Variants in CNTNAP4 observed in about 807,000 individuals in gnomAD.
CNTNAP4 encodes contactin-associated protein-like 4.
Under a neutral mutation model 148.4 loss-of-function variants are expected in CNTNAP4, and 98 were observed. The ratio of observed to expected loss-of-function variants is 0.66; its 90% CI spans 0.56 to 0.78. The LOEUF is 0.78. Ranked by LOEUF, CNTNAP4 falls within the 30% of genes least tolerant of loss-of-function variation. The pLI, the probability that CNTNAP4 is intolerant of heterozygous loss-of-function variation, is 0.00. For synonymous variants in CNTNAP4, 730 were observed against 565.1 expected (o/e 1.29, Z -4.14); for missense variants, 1,935 against 1,565.6 (o/e 1.24, Z -3.98).
At chr16:76,428,093 A>G (rs1486084629) in intron 4 of CNTNAP4, among the ~76,000 whole-genome samples, 1 of 152,200 alleles carries the variant, frequency 6.6e-6, no homozygotes, top group Non-Finnish European at 1.5e-5. Context: ...ATAGAAAAAG[A>G]GAAGACTTCT....
At chr16:76,553,560 A>G in intron 22 of CNTNAP4, 59 bp downstream of exon 22, 16 of 1,273,430 alleles carry the variant, frequency 1.3e-5, no homozygotes, top group Non-Finnish European at 1.5e-5. Context: ...GGAATTTAGA[A>G]AACTTCTCAT....
intron 8 of CNTNAP4, among the ~76,000 whole-genome samples, chr16:76,458,579 G>A (rs1057507358): frequency 6.6e-6 from 1 of 151,870 alleles, no homozygotes; most frequent in African/African-American, 2.4e-5. Context: ...TAGATCCCTC[G>A]CATGTGCAGT....
chr16:76,466,181 T>A lies in CNTNAP4; in HGVS notation c.1484-1171T>A, dbSNP rs1243585032. 3.3e-5 allele frequency among the ~76,000 whole-genome samples: 5 copies of A among 152,324 alleles called. No homozygotes were observed. The East Asian group carries it at 5.8e-4, about 18-fold the overall frequency. ...CCCACAAATAAATGAGAACACATAA[T>A]GTTTGTCTTTCTGTGCCTGGCTTAT... On this transcript the variant is annotated intron_variant, in intron 9 of 23. Coordinates refer to ENST00000611870, the MANE Select transcript of CNTNAP4 (RefSeq NM_033401.5).
intron 3 of CNTNAP4, among the ~76,000 whole-genome samples, chr16:76,409,675 C>G (rs2078723511): frequency 6.6e-6 from 1 of 151,918 alleles, no homozygotes; most frequent in Non-Finnish European, 1.5e-5. Flanking sequence ...TATCTTTTGT[C>G]TTGAGGTTAA....
intron 14 of CNTNAP4, among the ~76,000 whole-genome samples, chr16:76,498,216 C>T (rs188086673): frequency 4.4e-4 from 67 of 152,208 alleles, no homozygotes; most frequent in African/African-American, 1.6e-3. Context: ...CATGGCAAAA[C>T]CCTGACTCTA....
intron 2 of CNTNAP4, among the ~76,000 whole-genome samples, chr16:76,326,000 C>G (rs1407555046): frequency 6.6e-6 from 1 of 152,038 alleles, no homozygotes; most frequent in African/African-American, 2.4e-5. Flanking sequence ...ACAAAGAAAA[C>G]TACAAGTTAA....
intron 3 of CNTNAP4, among the ~76,000 whole-genome samples, chr16:76,423,788 TA>T (rs1455845708): frequency 6.6e-6 from 1 of 152,166 alleles, no homozygotes; most frequent in African/African-American, 2.4e-5. Flanking sequence ...GATCAGTTAA[TA>T]AATATAATAA....
At chr16:76,443,277 T>C (rs1201849141) in intron 4 of CNTNAP4, among the ~76,000 whole-genome samples, 1 of 152,202 alleles carries the variant, frequency 6.6e-6, no homozygotes, top group East Asian at 1.9e-4. Flanking sequence ...GGCCTTTTAC[T>C]GTTACAAATT....
intron 21 of CNTNAP4, among the ~76,000 whole-genome samples, chr16:76,551,837 G>A (rs1393832964): frequency 6.6e-6 from 1 of 152,070 alleles, no homozygotes. Context: ...GATTCAAGTT[G>A]CCCTGAATAT....
intron 4 of CNTNAP4, chr16:76,432,548 G>A (rs749614595): frequency 6.6e-6 from 1 of 151,968 alleles, no homozygotes; most frequent in Non-Finnish European, 1.5e-5. Context: ...GTGGGAGAAA[G>A]AAAGAAAAAG....
intron 2 of CNTNAP4, among the ~76,000 whole-genome samples, chr16:76,317,252 C>CAAAAAAAAAAAAAA (rs11149891): frequency 1.2e-5 from 1 of 86,278 alleles, no homozygotes; most frequent in Non-Finnish European, 2.4e-5. Context: ...GACCCTGTCT[C>CAAAAAAAAAAAAAA]AAAAAAAAAA....
At chr16:76,334,866 C>G (rs1963882890) in intron 2 of CNTNAP4, among the ~76,000 whole-genome samples, 1 of 151,966 alleles carries the variant, frequency 6.6e-6, no homozygotes, top group Non-Finnish European at 1.5e-5. Context: ...TAGATAAGAG[C>G]AAAACACTCA....
At position 76,498,597 on chromosome 16, in the gene CNTNAP4, A is replaced by G. The variant is rs773424198; in HGVS notation, c.2268A>G (p.Lys756=). Residue 756 remains lysine (K), a synonymous_variant, in exon 15 of 24, where the codon AAA becomes AAG. Coordinates refer to ENST00000611870, the MANE Select transcript of CNTNAP4 (RefSeq NM_033401.5). ...WTNDTGLLAY[K]EHLPVTKIVI... The stretch of plus-strand genomic sequence containing the variant: ...ATGACACTGGATTGCTTGCTTATAA[A>G]GAACATCTTCCAGTAACTAAGATCG... 1 of 1,612,440 alleles carries G rather than the reference A, an allele frequency of 6.2e-7. No homozygotes were observed. The highest frequency in any genetic ancestry group is 8.5e-7 in the Non-Finnish European group (1 of 1,179,204).
intron 3 of CNTNAP4, among the ~76,000 whole-genome samples, chr16:76,364,506 G>C (rs1006322862): frequency 3.3e-5 from 5 of 152,094 alleles, no homozygotes; most frequent in Admixed American, 3.3e-4. Flanking sequence ...TTGATAACTT[G>C]TATCTCACAT....
intron 4 of CNTNAP4, among the ~76,000 whole-genome samples, chr16:76,444,571 GATTA>G (rs143745350): frequency 0.043 from 6,595 of 151,902 alleles, 406 homozygotes; most frequent in African/African-American, 0.14. Context: ...TCTCTCAAAA[GATTA>G]ATTTTTTCAG....
chr16:76,511,825 C>G (rs1211331601), intron 15 of CNTNAP4, among the ~76,000 whole-genome samples: 1 of 121,386 alleles, frequency 8.2e-6, no homozygotes, highest in East Asian at 2.9e-4. Flanking sequence ...ATTCTTGGAG[C>G]TTATATTTTC....
rs371602585 is a variant in CNTNAP4 at position 76,383,135 on chromosome 16, C to G, written c.390+27624C>G. Among the ~76,000 whole-genome samples, 132 of 149,580 alleles carry G rather than the reference C, an allele frequency of 8.8e-4. 1 individual carries two copies. Among genetic ancestry groups the G allele is most frequent in the African/African-American group, 2.9e-3 (120 of 40,798 alleles). ...CACTTTTTTTTTTTTAATTACTAAA[C>G]TGCATCTCAGGGTAACCAAATATTT... On this transcript the variant is annotated intron_variant, in intron 3 of 23. Coordinates refer to ENST00000611870, the MANE Select transcript of CNTNAP4 (RefSeq NM_033401.5).
chr16:76,406,689 T>G (rs191513200), intron 3 of CNTNAP4, among the ~76,000 whole-genome samples: 163 of 152,288 alleles, frequency 1.1e-3, no homozygotes, highest in Non-Finnish European at 1.7e-3. Context: ...GTGGTCTGGA[T>G]AGAAGATCAA....
At chr16:76,362,727 G>A (rs1006987708) in intron 3 of CNTNAP4, among the ~76,000 whole-genome samples, 1 of 152,136 alleles carries the variant, frequency 6.6e-6, no homozygotes, top group African/African-American at 2.4e-5. Context: ...AAGAAGGGAA[G>A]AGTACACACC....
Sources: allele counts gnomAD v4.1 joint callset (sites outside exome capture counted in the v4.1 genomes callset), GRCh38; gene constraint gnomAD v4.1.1; transcripts MANE v1.5; gene names NCBI Gene and HGNC (gene_info 2026-07-23, HGNC 2026-07-21).